Variants in PDE10A observed in about 807,000 individuals in gnomAD.
PDE10A encodes the protein phosphodiesterase 10A.
In PDE10A, 39 loss-of-function variants were observed where a neutral mutation model predicts 97.7. That is an observed-to-expected ratio of 0.40 (90% CI 0.31 to 0.52). The LOEUF is 0.52. Ranked by LOEUF, PDE10A falls within the 20% of genes least tolerant of loss-of-function variation. PDE10A has a pLI of 0.56. For synonymous variants in PDE10A, 371 were observed against 376.8 expected, an observed-to-expected ratio of 0.98 and a Z score of 0.18; for missense variants, 731 against 1,047.8, an observed-to-expected ratio of 0.70 and a Z score of 4.17.
At chr6:165,577,667 TC>T (rs1292347713) in intron 1 of PDE10A, among the ~76,000 whole-genome samples, 3 of 152,018 alleles carry the variant, frequency 2.0e-5, no homozygotes, top group Admixed American at 1.3e-4. Flanking sequence ...CTGCTATGAG[TC>T]CCTGCCTCCC....
At chr6:165,399,423 T>C (rs1381637526) in intron 13 of PDE10A, among the ~76,000 whole-genome samples, 1 of 152,202 alleles carries the variant, frequency 6.6e-6, no homozygotes, top group East Asian at 1.9e-4. Context: ...CCAAATCCAA[T>C]ACTTATTATA....
chr6:165,793,816 C>A (rs1359278625), intron 1 of PDE10A, among the ~76,000 whole-genome samples: 1 of 152,212 alleles, frequency 6.6e-6, no homozygotes, highest in Non-Finnish European at 1.5e-5. Context: ...CATCAAAATT[C>A]ATCGGAGGAC....
At chr6:165,516,113 C>G (rs553843136) in intron 2 of PDE10A, among the ~76,000 whole-genome samples, 3 of 152,264 alleles carry the variant, frequency 2.0e-5, no homozygotes, top group African/African-American at 7.2e-5. Flanking sequence ...CAAATAGTTT[C>G]CTCCTATCTA....
At chr6:165,713,220 A>G (rs929957991) in intron 1 of PDE10A, among the ~76,000 whole-genome samples, 1 of 152,194 alleles carries the variant, frequency 6.6e-6, no homozygotes, top group African/African-American at 2.4e-5. Flanking sequence ...ACTCTGGGGA[A>G]TCCCTCCCTT....
Position 165,663,151 on chromosome 6 carries a change from C to A in PDE10A, c.-340G>T, listed in dbSNP as rs2128433366. Among the ~76,000 whole-genome samples the A allele has an allele frequency of 1.3e-5, 2 of 152,042 alleles. No individual in the cohort carries two copies. The highest frequency in any genetic ancestry group is 4.1e-4 in the South Asian group (2 of 4,832). Reference sequence around the variant, plus strand: ...TGTGTGCGCGCTCCGGCGGCTGAGCCTCGGCGGCTTCTCGAAAGCAGCGGA... The same window carrying A: ...TGTGTGCGCGCTCCGGCGGCTGAGCATCGGCGGCTTCTCGAAAGCAGCGGA... On this transcript the variant is annotated 5_prime_UTR_variant, in exon 1 of 22. It adds an upstream start codon to the 5' untranslated region. Coordinates refer to ENST00000539869, the MANE Select transcript of PDE10A (RefSeq NM_001385079.1).
intron 1 of PDE10A, among the ~76,000 whole-genome samples, chr6:165,713,407 T>C (rs1170087312): frequency 6.6e-6 from 1 of 152,228 alleles, no homozygotes; most frequent in Non-Finnish European, 1.5e-5. Flanking sequence ...TAAGATTTAA[T>C]TCCCAGTTAG....
intron 1 of PDE10A, among the ~76,000 whole-genome samples, chr6:165,628,163 G>A (rs960715664): frequency 2.6e-5 from 4 of 152,180 alleles, no homozygotes; most frequent in African/African-American, 9.7e-5. Context: ...CCTGGGTTTT[G>A]AAATTCGGTG....
chr6:165,615,101 T>C (rs1353337626), intron 1 of PDE10A, among the ~76,000 whole-genome samples: 1 of 150,724 alleles, frequency 6.6e-6, no homozygotes, highest in East Asian at 2.0e-4. Context: ...TTCTAGCTAC[T>C]CAGGAGGCTG....
intron 1 of PDE10A, among the ~76,000 whole-genome samples, chr6:165,585,946 T>A (rs1172847668): frequency 1.3e-5 from 2 of 152,136 alleles, no homozygotes; most frequent in Non-Finnish European, 2.9e-5. Flanking sequence ...TGTGGACTCT[T>A]GACCAGCTGC....
chr6:165,561,218 CAAA>C (rs879668151), intron 1 of PDE10A, among the ~76,000 whole-genome samples: 5 of 123,474 alleles, frequency 4.0e-5, no homozygotes, highest in Admixed American at 1.7e-4. Context: ...GACTCCAACT[CAAA>C]AAAAAAAAAA....
intron 2 of PDE10A, among the ~76,000 whole-genome samples, chr6:165,489,166 A>G (rs895029052): frequency 3.9e-5 from 6 of 152,040 alleles, no homozygotes; most frequent in African/African-American, 1.4e-4. Flanking sequence ...CTAAACAAAA[A>G]CACAACCAAG....
At chr6:165,803,076 T>C (rs1383150514) in intron 1 of PDE10A, among the ~76,000 whole-genome samples, 1 of 152,366 alleles carries the variant, frequency 6.6e-6, no homozygotes, top group South Asian at 2.1e-4. Context: ...GCTTGAGTCA[T>C]AGATGGAAGA....
At chr6:165,898,765 T>C (rs578065955) in intron 1 of PDE10A, among the ~76,000 whole-genome samples, 32 of 152,246 alleles carry the variant, frequency 2.1e-4, no homozygotes, top group Admixed American at 4.6e-4. Flanking sequence ...CCATGTGGCA[T>C]GGTAGGTCTG....
chr6:165,837,089 A>G (rs1780082681), intron 1 of PDE10A, among the ~76,000 whole-genome samples: 1 of 150,202 alleles, frequency 6.7e-6, no homozygotes, highest in Non-Finnish European at 1.5e-5. Flanking sequence ...TGGGAGATAT[A>G]CCTAATGCTA....
At chr6:165,487,044 G>A (rs1283909145) in intron 2 of PDE10A, among the ~76,000 whole-genome samples, 1 of 152,344 alleles carries the variant, frequency 6.6e-6, no homozygotes, top group Admixed American at 6.5e-5. Context: ...CAACTGGGAA[G>A]GAATGGATCC....
At chr6:165,451,081 G>A (rs868058223) in intron 3 of PDE10A, among the ~76,000 whole-genome samples, 1 of 152,146 alleles carries the variant, frequency 6.6e-6, no homozygotes, top group Non-Finnish European at 1.5e-5. Flanking sequence ...AGTGCCCTCT[G>A]TGCCACTCTA....
At chr6:165,657,846 C>A (rs958611128) in intron 1 of PDE10A, among the ~76,000 whole-genome samples, 6 of 152,210 alleles carry the variant, frequency 3.9e-5, no homozygotes, top group African/African-American at 1.4e-4. Flanking sequence ...AAATAGGTCA[C>A]CCTTCCACGG....
At chr6:165,727,287 C>G (rs1478329845) in intron 1 of PDE10A, among the ~76,000 whole-genome samples, 1 of 152,242 alleles carries the variant, frequency 6.6e-6, no homozygotes, top group East Asian at 1.9e-4. Flanking sequence ...CCAGATTTCC[C>G]TTCGCTTAGG....
chr6:165,582,360 GCTT>G (rs1423941396), intron 1 of PDE10A, among the ~76,000 whole-genome samples: 1 of 152,124 alleles, frequency 6.6e-6, no homozygotes, highest in Admixed American at 6.6e-5. Context: ...TACAGTGAGA[GCTT>G]CTTAAGTATG....
Sources: allele counts gnomAD v4.1 joint callset (sites outside exome capture counted in the v4.1 genomes callset), GRCh38; gene constraint gnomAD v4.1.1; transcripts MANE v1.5; gene names NCBI Gene and HGNC (gene_info 2026-07-23, HGNC 2026-07-21).